SLC2A14: variants seen among roughly 807,000 people sequenced by gnomAD.
The protein encoded by SLC2A14 is solute carrier family 2 member 14.
In SLC2A14, 13 loss-of-function variants were observed where a neutral mutation model predicts 43.0. The ratio of observed to expected loss-of-function variants is 0.30; its 90% confidence interval spans 0.20 to 0.48. The LOEUF (loss-of-function observed/expected upper bound fraction) is 0.48. Ranked by LOEUF, SLC2A14 falls within the 20% of genes least tolerant of loss-of-function variation. The probability of loss-of-function intolerance (pLI) is 0.99; values close to 1 mark genes in which losing one functional copy is unlikely to be tolerated. For synonymous variants in SLC2A14, 190 were observed against 233.8 expected (o/e 0.81, Z 1.71); for missense variants, 428 against 620.4 (o/e 0.69, Z 3.29).
At chr12:7,824,716 G>T (rs968903777) in intron 7 of SLC2A14, among the ~76,000 whole-genome samples, 1 of 122,450 alleles carries the variant, frequency 8.2e-6, no homozygotes, top group African/African-American at 3.1e-5. Context: ...CGGGGTGACA[G>T]AGACTCTGTC....
intron 6 of SLC2A14, among the ~76,000 whole-genome samples, chr12:7,828,479 G>A (rs1592176296): frequency 6.6e-6 from 1 of 152,138 alleles, no homozygotes; most frequent in African/African-American, 2.4e-5. Flanking sequence ...AACCCAGGAG[G>A]CGGAGGTTGC....
intron 9 of SLC2A14, among the ~76,000 whole-genome samples, chr12:7,818,399 G>A (rs1292448628): frequency 6.6e-6 from 1 of 152,174 alleles, no homozygotes; most frequent in Non-Finnish European, 1.5e-5. Context: ...TGTGGCTCAC[G>A]CCTATAGTCC....
At chr12:7,845,584 C>T (rs930859642) in intron 2 of SLC2A14, among the ~76,000 whole-genome samples, 1 of 148,616 alleles carries the variant, frequency 6.7e-6, no homozygotes, top group Non-Finnish European at 1.5e-5. Flanking sequence ...TTGAGACCAT[C>T]CTGCCTAACA....
At chr12:7,880,690 C>A (rs1211540726) in intron 1 of SLC2A14, among the ~76,000 whole-genome samples, 3 of 65,136 alleles carry the variant, frequency 4.6e-5, no homozygotes, top group African/African-American at 1.0e-4. Flanking sequence ...AGCTGGGTCT[C>A]AAAAAAAAAA....
chr12:7,860,208 G>A (rs1284692081), intron 2 of SLC2A14, among the ~76,000 whole-genome samples: 1 of 152,142 alleles, frequency 6.6e-6, no homozygotes, highest in African/African-American at 2.4e-5. Flanking sequence ...GAGATCAGTG[G>A]CTTGTGGATT....
intron 2 of SLC2A14, among the ~76,000 whole-genome samples, chr12:7,841,652 GTATATTC>G (rs1205732311): frequency 6.6e-6 from 1 of 152,110 alleles, no homozygotes; most frequent in Non-Finnish European, 1.5e-5. Flanking sequence ...TCTTTGTGTT[GTATATTC>G]TATAGGTTTG....
chr12:7,815,199 C>T (rs1422482465), intron 10 of SLC2A14, among the ~76,000 whole-genome samples: 4 of 151,644 alleles, frequency 2.6e-5, no homozygotes, highest in Non-Finnish European at 5.9e-5. Context: ...TCCCTTGAGG[C>T]CAGGAGTTTG....
intron 10 of SLC2A14, among the ~76,000 whole-genome samples, chr12:7,817,316 T>G (rs1012169636): frequency 5.3e-5 from 8 of 152,072 alleles, no homozygotes; most frequent in Admixed American, 5.2e-4. Context: ...GGTTTCTCCA[T>G]GTTGGTCAGA....
chr12:7,864,613 C>T (rs1944808433), intron 2 of SLC2A14, among the ~76,000 whole-genome samples: 1 of 152,208 alleles, frequency 6.6e-6, no homozygotes, highest in South Asian at 2.1e-4. Flanking sequence ...GTTGGGATTA[C>T]AGGCGTGAGC....
intron 2 of SLC2A14, among the ~76,000 whole-genome samples, chr12:7,861,663 T>C (rs1944566752): frequency 1.3e-5 from 2 of 151,894 alleles, no homozygotes; most frequent in African/African-American, 4.8e-5. Context: ...CTTTGTAAAC[T>C]TTAACTGAAA....
chr12:7,836,798 T>TA (rs1865498244), intron 2 of SLC2A14, among the ~76,000 whole-genome samples: 1 of 151,860 alleles, frequency 6.6e-6, no homozygotes, highest in East Asian at 1.9e-4. Flanking sequence ...ATCATGCCAC[T>TA]GCACACCAGC....
At chr12:7,878,983 A>AC (rs1385543385) in intron 1 of SLC2A14, among the ~76,000 whole-genome samples, 2 of 87,038 alleles carry the variant, frequency 2.3e-5, no homozygotes, top group African/African-American at 4.4e-5. Context: ...TCTCAAAAAA[A>AC]AAAAAAAAAA....
intron 2 of SLC2A14, among the ~76,000 whole-genome samples, chr12:7,855,438 A>G (rs929728068): frequency 6.6e-6 from 1 of 151,098 alleles, no homozygotes; most frequent in Non-Finnish European, 1.5e-5. Context: ...ACTGCGCCCA[A>G]CTCTCTGTTT....
chr12:7,826,949 C>T (rs1458634541), intron 7 of SLC2A14, among the ~76,000 whole-genome samples: 1 of 136,352 alleles, frequency 7.3e-6, no homozygotes, highest in Admixed American at 7.8e-5. Context: ...TCCTTTCTTT[C>T]CTTTCTTCTC....
chr12:7,832,178 C>A (rs1038382069), intron 3 of SLC2A14, among the ~76,000 whole-genome samples: 2 of 152,118 alleles, frequency 1.3e-5, no homozygotes, highest in Non-Finnish European at 2.9e-5. Flanking sequence ...AATAAATAGA[C>A]GGGAATTGAA....
At chr12:7,890,791 A>T (rs757750778) in intron 1 of SLC2A14, 18 of 387,956 alleles carry the variant, frequency 4.6e-5, no homozygotes, top group African/African-American at 3.3e-4. Flanking sequence ...GTCCCCCTTC[A>T]GCAAAGAACA....
chr12:7,874,826 A>AAG, upstream of SLC2A14, among the ~76,000 whole-genome samples: 1 of 84,940 alleles, frequency 1.2e-5, no homozygotes, highest in Admixed American at 1.2e-4. Context: ...TTATATATAA[A>AAG]TTATATATAA....
chr12:7,874,113 C>G (rs929468377), upstream of SLC2A14, among the ~76,000 whole-genome samples: 1 of 152,068 alleles, frequency 6.6e-6, no homozygotes, highest in Non-Finnish European at 1.5e-5. Context: ...ACTAGAATGA[C>G]TAAAACAAAG....
rs763230189 is a variant in SLC2A14 at position 7,824,655 on chromosome 12, C to T, written c.864+2840G>A. 8.6e-5 allele frequency among the ~76,000 whole-genome samples: 13 copies of T among 151,100 alleles called. No individual in the cohort carries two copies. In the East Asian group the frequency reaches 2.5e-3, roughly 30 times the overall value. On this transcript the variant is annotated intron_variant, in intron 7 of 10. Transcript: ENST00000431042. ...GGCTGAGGCAGGAGAATCACTTGAA[C>T]CCAGGAGGTGGAAGTTGCAGTGAGC... is the stretch of plus-strand genomic sequence containing the variant.
Sources: gnomAD v4.1 joint callset for allele counts (sites outside exome capture counted in the v4.1 genomes callset) on GRCh38, gnomAD v4.1.1 for gene constraint, MANE v1.5 for transcripts, NCBI Gene and HGNC (gene_info 2026-07-23, HGNC 2026-07-21) for gene names.